The following NRG3 variants were observed in gnomAD, a reference collection of about 807,000 sequenced individuals.
NRG3 encodes pro-neuregulin-3, membrane-bound isoform.
Under a neutral mutation model 66.9 loss-of-function variants are expected in NRG3, and 31 were observed. The observed-to-expected ratio is 0.46, with a 90% CI of 0.35 to 0.63. The LOEUF (loss-of-function observed/expected upper bound fraction) is 0.63, where lower values mean the gene tolerates loss of function less well. NRG3 is among the 20% of genes least tolerant of loss of function. The probability of loss-of-function intolerance (pLI) is 0.00; values close to 1 mark genes in which losing one functional copy is unlikely to be tolerated. For synonymous variants in NRG3, 393 were observed against 359.4 expected, an observed-to-expected ratio of 1.09 and a Z score of -1.06; for missense variants, 910 against 878.9, an observed-to-expected ratio of 1.04 and a Z score of -0.45.
intron 1 of NRG3, among the ~76,000 whole-genome samples, chr10:81,952,379 G>T (rs146126999): frequency 4.9e-4 from 74 of 152,176 alleles, no homozygotes; most frequent in African/African-American, 1.7e-3. Context: ...GTGTGCTTGT[G>T]TGTGTGTGTA....
rs546739582 is a variant in NRG3, at chr10:82,876,853, G to A, written c.1054+11416G>A. Among the ~76,000 whole-genome samples the A allele has an allele frequency of 1.3e-4, 20 of 151,884 alleles. No homozygotes were observed. In the South Asian group the frequency reaches 2.1e-3, roughly 16 times the overall value. On this transcript the variant is annotated intron_variant, in intron 4 of 8. Coordinates refer to ENST00000372141, the MANE Select transcript of NRG3 (RefSeq NM_001010848.4). ...GCCTGACCAAGATGGATGAAACCCC[G>A]TCTCTAATAAAAATACAAAATTAGC...
At chr10:82,292,259 A>G (rs1225683045) in intron 1 of NRG3, among the ~76,000 whole-genome samples, 1 of 152,100 alleles carries the variant, frequency 6.6e-6, no homozygotes, top group Non-Finnish European at 1.5e-5. Context: ...AATAAAAACC[A>G]CAATTGATAT....
intron 2 of NRG3, among the ~76,000 whole-genome samples, chr10:82,679,940 C>T (rs1200094161): frequency 6.6e-6 from 1 of 151,964 alleles, no homozygotes; most frequent in Non-Finnish European, 1.5e-5. Context: ...TATTTCAGAG[C>T]TATGATATCA....
chr10:82,018,216 G>C (rs368202461), intron 1 of NRG3, among the ~76,000 whole-genome samples: 18 of 152,006 alleles, frequency 1.2e-4, no homozygotes, highest in Non-Finnish European at 1.9e-4. Context: ...GCTTGTTTTT[G>C]TCAGGTTTGT....
chr10:82,501,117 G>T (rs1844139533), intron 2 of NRG3, among the ~76,000 whole-genome samples: 1 of 152,104 alleles, frequency 6.6e-6, no homozygotes, highest in Non-Finnish European at 1.5e-5. Context: ...AAACTATATG[G>T]AGCTGGTGAG....
intron 1 of NRG3, among the ~76,000 whole-genome samples, chr10:81,925,747 T>TA (rs34656715): frequency 4.7e-5 from 7 of 150,332 alleles, no homozygotes; most frequent in South Asian, 2.1e-4. Flanking sequence ...ACTTTTTTTT[T>TA]AAAAAAAAAA....
At chr10:82,577,888 T>C (rs1590740745) in intron 2 of NRG3, among the ~76,000 whole-genome samples, 1 of 151,920 alleles carries the variant, frequency 6.6e-6, no homozygotes, top group African/African-American at 2.4e-5. Flanking sequence ...AATTAGGTAG[T>C]TTTATTACAA....
At position 82,171,051 on chromosome 10, in the gene NRG3, A is replaced by G. The variant is rs141269661; in HGVS notation, c.824-187688A>G. 1.3e-3 allele frequency among the ~76,000 whole-genome samples: 192 copies of G among 151,980 alleles called. 2 individuals are homozygous for G. Among genetic ancestry groups the G allele is most frequent in the Non-Finnish European group, 2.1e-3 (146 of 67,942 alleles). On this transcript the variant is annotated intron_variant, in intron 1 of 8. Transcript: ENST00000372141. ...TTATGATAATAGATACTCTGGCTTT[A>G]TTAGTGTCATTATTTTCTATTTTCT...
chr10:82,327,206 G>A (rs1372433063), intron 1 of NRG3, among the ~76,000 whole-genome samples: 1 of 152,154 alleles, frequency 6.6e-6, no homozygotes, highest in Non-Finnish European at 1.5e-5. Context: ...ATTAGGATAA[G>A]AACAGGACAT....
intron 3 of NRG3, among the ~76,000 whole-genome samples, chr10:82,849,843 T>C (rs1470485508): frequency 6.6e-6 from 1 of 152,114 alleles, no homozygotes; most frequent in Non-Finnish European, 1.5e-5. Flanking sequence ...CCATTTTAGA[T>C]TCTGATGGTG....
chr10:82,682,599 A>G (rs919756262), intron 2 of NRG3, among the ~76,000 whole-genome samples: 14 of 152,180 alleles, frequency 9.2e-5, no homozygotes, highest in African/African-American at 3.4e-4. Flanking sequence ...ATGGGCAACA[A>G]CTGCTGAATA....
Position 82,477,927 on chromosome 10 carries a change from A to C in NRG3, c.953+119059A>C, listed in dbSNP as rs574953167. 2.0e-5 allele frequency among the ~76,000 whole-genome samples: 3 copies of C among 152,334 alleles called. No individual in the cohort carries two copies. The East Asian group carries it at 5.8e-4, about 29-fold the overall frequency. ...GGACATCTGAAACTATGGTGAGGCC[A>C]AGTGTGCAATGATGTAAGCAGGGAT... On this transcript the variant is annotated intron_variant, in intron 2 of 8. Transcript: ENST00000372141.
intron 2 of NRG3, among the ~76,000 whole-genome samples, chr10:82,394,853 C>T (rs1352805161): frequency 6.6e-6 from 1 of 152,134 alleles, no homozygotes; most frequent in East Asian, 1.9e-4. Flanking sequence ...TGTTACATTA[C>T]AATGGAAGTA....
intron 1 of NRG3, among the ~76,000 whole-genome samples, chr10:82,351,029 C>G (rs968724037): frequency 6.6e-6 from 1 of 152,036 alleles, no homozygotes; most frequent in African/African-American, 2.4e-5. Context: ...GTAGCTGGGA[C>G]TACAGGCGCC....
intron 1 of NRG3, among the ~76,000 whole-genome samples, chr10:82,129,711 C>T (rs2132476643): frequency 6.6e-6 from 1 of 152,118 alleles, no homozygotes; most frequent in Non-Finnish European, 1.5e-5. Context: ...TAGGCATGCT[C>T]CACCATGCCC....
At chr10:82,337,499 C>A (rs2082448111) in intron 1 of NRG3, among the ~76,000 whole-genome samples, 1 of 152,142 alleles carries the variant, frequency 6.6e-6, no homozygotes, top group Admixed American at 6.5e-5. Context: ...GCTTTCAATT[C>A]TCTTATGTGA....
intron 2 of NRG3, among the ~76,000 whole-genome samples, chr10:82,467,925 G>A (rs977698578): frequency 6.6e-6 from 1 of 152,114 alleles, no homozygotes; most frequent in Non-Finnish European, 1.5e-5. Context: ...ATGTGTGTGT[G>A]TGTGTATTTT....
chr10:82,582,482 G>A (rs1293292428), intron 2 of NRG3, among the ~76,000 whole-genome samples: 3 of 152,078 alleles, frequency 2.0e-5, no homozygotes, highest in Admixed American at 1.3e-4. Context: ...AGTCTTCTCA[G>A]TTAGATCATT....
At chr10:82,920,491 A>G (rs1310808592) in intron 4 of NRG3, among the ~76,000 whole-genome samples, 2 of 152,158 alleles carry the variant, frequency 1.3e-5, no homozygotes, top group Non-Finnish European at 2.9e-5. Flanking sequence ...TATACATGGA[A>G]TAGCATATTC....
Sources: gnomAD v4.1 joint callset for allele counts (sites outside exome capture counted in the v4.1 genomes callset) on GRCh38, gnomAD v4.1.1 for gene constraint, MANE v1.5 for transcripts, NCBI Gene and HGNC (gene_info 2026-07-23, HGNC 2026-07-21) for gene names.